Variants in UNC79 observed in about 807,000 individuals in gnomAD.
UNC79 encodes unc-79 subunit of NALCN channel complex, also known as protein unc-79 homolog.
UNC79 carries 37 observed loss-of-function variants against 283.1 expected under a neutral mutation model. That is an observed-to-expected ratio of 0.13 (90% confidence interval 0.10 to 0.17). The LOEUF is 0.17. UNC79 is among the 10% of genes least tolerant of loss of function. The probability of loss-of-function intolerance (pLI) is 1.00; values close to 1 mark genes in which losing one functional copy is unlikely to be tolerated. For synonymous variants in UNC79, 1,107 were observed against 1,200.2 expected, an observed-to-expected ratio of 0.92 and a Z score of 1.61; for missense variants, 2,272 against 3,211.1, an observed-to-expected ratio of 0.71 and a Z score of 7.07.
intron 7 of UNC79, among the ~76,000 whole-genome samples, chr14:93,502,874 G>A (rs2059363489): frequency 6.6e-6 from 1 of 152,140 alleles, no homozygotes; most frequent in Non-Finnish European, 1.5e-5. Context: ...TCAGTACATT[G>A]GATTTTTGAG....
At chr14:93,600,953 G>T (rs982931313) in intron 25 of UNC79, among the ~76,000 whole-genome samples, 183 bp downstream of exon 25, 1 of 151,986 alleles carries the variant, frequency 6.6e-6, no homozygotes, top group African/African-American at 2.4e-5. Context: ...GCATATCCTG[G>T]CATTCCAAAA....
intron 22 of UNC79, 108 bp downstream of exon 22, chr14:93,587,016 A>G (rs914130050): frequency 1.2e-4 from 160 of 1,381,760 alleles, no homozygotes; most frequent in Non-Finnish European, 1.5e-4. Context: ...TTTTTGAGCC[A>G]GGACAGCTCG....
At chr14:93,462,088 C>G (rs1318994220) in intron 1 of UNC79, among the ~76,000 whole-genome samples, 4 of 152,152 alleles carry the variant, frequency 2.6e-5, no homozygotes, top group Admixed American at 2.6e-4. Flanking sequence ...GGTCAGATCA[C>G]TTGAGGCCAG....
intron 8 of UNC79, among the ~76,000 whole-genome samples, chr14:93,527,833 A>G (rs966375028): frequency 6.6e-6 from 1 of 152,182 alleles, no homozygotes; most frequent in Admixed American, 6.5e-5. Context: ...TTTTTTGTTC[A>G]TTTGATTTAA....
chr14:93,540,565 T>C (rs1481440252), intron 12 of UNC79, 95 bp from the exon 13 acceptor site: 2 of 1,365,774 alleles, frequency 1.5e-6, no homozygotes, highest in Non-Finnish European at 2.0e-6. Flanking sequence ...CAATCCAGGA[T>C]GCTTGAGTAC....
chr14:93,702,895 C>T (rs544891969), intron 47 of UNC79, among the ~76,000 whole-genome samples: 3 of 152,248 alleles, frequency 2.0e-5, no homozygotes, highest in African/African-American at 7.2e-5. Context: ...CCTCCATTCC[C>T]TGCCTCCTTC....
In UNC79 at chr14:93,643,663, C is replaced by T; in HGVS notation, c.6010C>T (p.Pro2004Ser). ...TCACTTAAGCCCAGACCTGGCAGCCCCGCTGCTGCTGGATATCATGCAGTC... is the reference window on the plus strand; with the variant it reads ...TCACTTAAGCCCAGACCTGGCAGCCTCGCTGCTGCTGGATATCATGCAGTC... Residue 2004 changes from proline (P) to serine (S), a missense_variant, in exon 34 of 49, where the codon CCG becomes TCG. Transcript: ENST00000555664. 1 of 1,613,024 alleles carries T rather than the reference C, an allele frequency of 6.2e-7. No individual in the cohort carries two copies. Among genetic ancestry groups the T allele is most frequent in the Non-Finnish European group, 8.5e-7 (1 of 1,180,016 alleles).
chr14:93,621,079 G>C lies in UNC79; in HGVS notation c.4388-542G>C, dbSNP rs1309854432. ...TCTCTTAGTAATTTTATGCAGAAAT[G>C]TTGTACTCTACCGTTTGTTTGGGGT... On this transcript the variant is annotated intron_variant, in intron 29 of 48. Coordinates refer to ENST00000555664, the Ensembl canonical transcript of UNC79. This position sits in a 1 kb window ranked among gnomAD's most constrained non-coding sequence, Gnocchi z 4.8. 2.0e-6 allele frequency: 1 copy of C among 495,012 alleles called. No homozygotes were observed. The highest frequency in any genetic ancestry group is 1.5e-5 in the South Asian group (1 of 67,546). 30.7% of individuals were successfully genotyped at this position (495,012 alleles called of 1,614,324 possible).
intron 32 of UNC79, among the ~76,000 whole-genome samples, chr14:93,640,487 G>C (rs1337415114): frequency 6.6e-6 from 1 of 152,136 alleles, no homozygotes; most frequent in African/African-American, 2.4e-5. Flanking sequence ...AATTAGCCAG[G>C]CATTGTGGCG....
At chr14:93,473,727 G>A (rs1335790279) in intron 2 of UNC79, among the ~76,000 whole-genome samples, 1 of 152,166 alleles carries the variant, frequency 6.6e-6, no homozygotes, top group Non-Finnish European at 1.5e-5. Flanking sequence ...AGGAATAAGA[G>A]CCCTTACTCA....
In UNC79 at chr14:93,442,833, A is replaced by C. The variant is rs370032401; in HGVS notation, c.22+11782A>C. ...GCCGGACATGGTGCCTTATGCCTGT[A>C]ATCTCAGCACTTTGGGAGGCCAAAG... is the stretch of plus-strand genomic sequence containing the variant. On this transcript the variant is annotated intron_variant, in intron 1 of 48. Transcript: ENST00000555664. 7.9e-5 allele frequency among the ~76,000 whole-genome samples: 12 copies of C among 152,306 alleles called. No homozygotes were observed. In the East Asian group the frequency reaches 1.9e-3, roughly 24 times the overall value.
At chr14:93,341,435 C>A (rs769467565) in intron 1 of UNC79, among the ~76,000 whole-genome samples, 5 of 151,586 alleles carry the variant, frequency 3.3e-5, no homozygotes, top group Non-Finnish European at 7.4e-5. Context: ...CCAGCCTGGG[C>A]AACAACTGTG....
intron 1 of UNC79, among the ~76,000 whole-genome samples, chr14:93,405,365 G>T (rs891925956): frequency 1.3e-4 from 19 of 151,636 alleles, no homozygotes; most frequent in African/African-American, 4.6e-4. Flanking sequence ...ATATGATATT[G>T]TGAATGTTAT....
At chr14:93,553,421 T>C (rs1187369089) in intron 14 of UNC79, among the ~76,000 whole-genome samples, 1 of 152,208 alleles carries the variant, frequency 6.6e-6, no homozygotes, top group Non-Finnish European at 1.5e-5. Context: ...GTCTTACAAG[T>C]TTTTCCCTCT....
chr14:93,579,884 C>T (rs1323421006), intron 18 of UNC79, among the ~76,000 whole-genome samples: 1 of 152,224 alleles, frequency 6.6e-6, no homozygotes, highest in East Asian at 1.9e-4. Flanking sequence ...CAACAACTCT[C>T]TTTTAAATCT....
chr14:93,498,716 A>G (rs1243344533), intron 7 of UNC79, among the ~76,000 whole-genome samples: 1 of 152,138 alleles, frequency 6.6e-6, no homozygotes, highest in African/African-American at 2.4e-5. Flanking sequence ...ATATCTACCA[A>G]AAAATCCTGC....
In UNC79 at chr14:93,565,002, G is replaced by A. The variant is rs1217226072; in HGVS notation, c.1756-6892G>A. On this transcript the variant is annotated intron_variant, in intron 14 of 48. Transcript: ENST00000555664. Reference sequence around the variant, plus strand: ...TGCTCCCCCAAATTATAAGAGGCGTGCCTACGGGTCCAAACCCAAAGAATG... The same window carrying A: ...TGCTCCCCCAAATTATAAGAGGCGTACCTACGGGTCCAAACCCAAAGAATG... Among the ~76,000 whole-genome samples, 6 of 152,300 alleles carry A rather than the reference G, an allele frequency of 3.9e-5. No homozygotes were observed. The South Asian group carries it at 6.2e-4, about 16-fold the overall frequency.
intron 47 of UNC79, among the ~76,000 whole-genome samples, chr14:93,701,184 C>A (rs1217445054): frequency 2.6e-5 from 4 of 152,242 alleles, no homozygotes; most frequent in African/African-American, 9.6e-5. Flanking sequence ...GGAATACCTG[C>A]AGGACTCACC....
At chr14:93,452,457 C>T (rs1207412681) in intron 1 of UNC79, among the ~76,000 whole-genome samples, 2 of 147,638 alleles carry the variant, frequency 1.4e-5, no homozygotes, top group African/African-American at 2.5e-5. Context: ...GGCGCGATCT[C>T]GGCTCACAGC....
Sources: gnomAD v4.1 joint callset for allele counts (sites outside exome capture counted in the v4.1 genomes callset) on GRCh38, gnomAD v4.1.1 for gene constraint, Gnocchi (gnomAD v3.1) non-coding constraint, MANE v1.5 for transcripts, NCBI Gene and HGNC (gene_info 2026-07-23, HGNC 2026-07-21) for gene names.